Variants in ADGRV1 observed in about 807,000 individuals in gnomAD.
ADGRV1 encodes G-protein coupled receptor 98.
Under a neutral mutation model 596.2 loss-of-function variants are expected in ADGRV1, and 359 were observed. The observed-to-expected ratio is 0.60, with a 90% confidence interval of 0.55 to 0.66. The LOEUF (loss-of-function observed/expected upper bound fraction) is 0.66. ADGRV1 is among the 30% of genes least tolerant of loss of function. The pLI is 0.00. For missense variants in ADGRV1, 7,274 were observed against 7,575.6 expected (o/e 0.96, Z 1.48); for synonymous variants, 2,681 against 2,679.2 (o/e 1.00, Z -0.02).
Position 90,572,638 on chromosome 5 carries a change from G to A in ADGRV1, c.22+13721G>A, listed in dbSNP as rs73177825. 3.0e-3 allele frequency among the ~76,000 whole-genome samples: 449 copies of A among 152,094 alleles called. 2 individuals are homozygous for A. The highest frequency in any genetic ancestry group is 8.7e-3 in the African/African-American group (361 of 41,504). On this transcript the variant is annotated intron_variant, in intron 1 of 89. Coordinates refer to ENST00000405460, the MANE Select transcript of ADGRV1 (RefSeq NM_032119.4). ...TAAATGTGCACACATGCTCACACAC[G>A]CACACGCACGTGCACACACACATGA...
intron 87 of ADGRV1, among the ~76,000 whole-genome samples, chr5:91,104,421 T>C (rs1309978851): frequency 6.6e-6 from 1 of 152,244 alleles, no homozygotes; most frequent in Non-Finnish European, 1.5e-5. Context: ...CAAACATTCA[T>C]CATTACTTTG....
chr5:91,003,571 A>G (rs1002045564), intron 85 of ADGRV1, among the ~76,000 whole-genome samples: 1 of 152,204 alleles, frequency 6.6e-6, no homozygotes, highest in Non-Finnish European at 1.5e-5. Flanking sequence ...AGGAGAAAAC[A>G]TCTCGCCTTG....
intron 83 of ADGRV1, among the ~76,000 whole-genome samples, chr5:90,949,599 C>T (rs1054047347): frequency 6.6e-6 from 1 of 152,084 alleles, no homozygotes; most frequent in Admixed American, 6.6e-5. Context: ...ACTGAAAGGA[C>T]AGGTGGTGGG....
At chr5:90,742,036 C>G (rs560424572) in intron 50 of ADGRV1, among the ~76,000 whole-genome samples, 73 of 152,274 alleles carry the variant, frequency 4.8e-4, no homozygotes, top group Non-Finnish European at 8.5e-4. Context: ...CGCTTTCACC[C>G]TTTTCTCCTT....
At chr5:91,096,657 G>T (rs978563651) in intron 86 of ADGRV1, among the ~76,000 whole-genome samples, 1 of 151,968 alleles carries the variant, frequency 6.6e-6, no homozygotes, top group African/African-American at 2.4e-5. Context: ...ACTTCATCTT[G>T]ACACAGCCTG....
At chr5:90,691,178 G>T in intron 31 of ADGRV1, 137 bp downstream of exon 31, 2 of 1,114,710 alleles carry the variant, frequency 1.8e-6, no homozygotes, top group Non-Finnish European at 2.7e-6. Context: ...CTATGCTAGT[G>T]TGAAAGTGAT....
At chr5:90,699,152 C>A (rs1747578835) in intron 34 of ADGRV1, among the ~76,000 whole-genome samples, 1 of 152,122 alleles carries the variant, frequency 6.6e-6, no homozygotes, top group African/African-American at 2.4e-5. Context: ...CTGTGATATC[C>A]AAAAGCAGTA....
At chr5:90,868,606 T>G (rs1049307628) in intron 83 of ADGRV1, among the ~76,000 whole-genome samples, 2 of 151,252 alleles carry the variant, frequency 1.3e-5, no homozygotes, top group Non-Finnish European at 2.9e-5. Flanking sequence ...CAAGATCCTG[T>G]AGGTGCCCTC....
intron 87 of ADGRV1, among the ~76,000 whole-genome samples, chr5:91,146,916 C>T (rs1323480204): frequency 2.0e-5 from 3 of 152,082 alleles, no homozygotes; most frequent in Non-Finnish European, 4.4e-5. Flanking sequence ...AATCCCAGCC[C>T]TATGGGAGGC....
rs1043691351 is a variant in ADGRV1, at chr5:90,761,039, C to T, written c.12120+1451C>T. On this transcript the variant is annotated intron_variant, in intron 58 of 89. Coordinates refer to ENST00000405460, the MANE Select transcript of ADGRV1 (RefSeq NM_032119.4). ...CGGCCCCATATGTCACCATTCCCTT[C>T]ATTTAATCACTTATAGGTTGTCAGT... Among the ~76,000 whole-genome samples, 12 of 152,208 alleles carry T rather than the reference C, an allele frequency of 7.9e-5. No individual in the cohort carries two copies. The East Asian group carries it at 9.6e-4, about 12-fold the overall frequency.
chr5:90,649,533 G>A (rs1392956953), intron 17 of ADGRV1, among the ~76,000 whole-genome samples: 2 of 151,932 alleles, frequency 1.3e-5, no homozygotes, highest in African/African-American at 2.4e-5. Flanking sequence ...CTGTTGCCCA[G>A]GCTGGAGTGC....
At chr5:90,619,919 A>G (rs1393139244) in intron 4 of ADGRV1, among the ~76,000 whole-genome samples, 1 of 151,956 alleles carries the variant, frequency 6.6e-6, no homozygotes. Flanking sequence ...TGTCCCTACA[A>G]AGGACATGAA....
chr5:90,896,025 G>A (rs1293174859), intron 83 of ADGRV1, among the ~76,000 whole-genome samples: 3 of 151,602 alleles, frequency 2.0e-5, no homozygotes, highest in South Asian at 2.1e-4. Context: ...TTCCATTCTC[G>A]GAGGTCATTG....
At position 90,706,366 on chromosome 5, in the gene ADGRV1, C is replaced by G; in HGVS notation, c.8702C>G (p.Ala2901Gly). ...GFLILEEGETAAAINITILED... is the reference protein window; with the variant it reads ...GFLILEEGETGAAINITILED... ...CTGATTTTAGAAGAAGGGGAAACAG[C>G]AGCAGCCATCAACATTACCATTCTT... Residue 2901 changes from alanine to glycine, a missense_variant, in exon 38 of 90, where the codon GCA becomes GGA. Transcript: ENST00000405460. 2 of 1,610,216 alleles carry G rather than the reference C, an allele frequency of 1.2e-6. No individual in the cohort carries two copies. The highest frequency in any genetic ancestry group is 1.7e-6 in the Non-Finnish European group (2 of 1,178,516).
chr5:91,127,876 C>T (rs1793902408), intron 87 of ADGRV1, among the ~76,000 whole-genome samples: 1 of 152,170 alleles, frequency 6.6e-6, no homozygotes, highest in South Asian at 2.1e-4. Context: ...AATAAAGTCA[C>T]TCTGCTTCTT....
intron 27 of ADGRV1, among the ~76,000 whole-genome samples, chr5:90,683,115 G>C (rs1745156411): frequency 6.6e-6 from 1 of 152,110 alleles, no homozygotes; most frequent in East Asian, 1.9e-4. Context: ...GGGCATAAAA[G>C]ATACACAAAA....
chr5:90,891,947 T>TC (rs1353378308), intron 83 of ADGRV1, among the ~76,000 whole-genome samples: 1 of 152,016 alleles, frequency 6.6e-6, no homozygotes, highest in Non-Finnish European at 1.5e-5. Flanking sequence ...GTAATTTTTC[T>TC]TTAGTCTCTA....
intron 77 of ADGRV1, among the ~76,000 whole-genome samples, chr5:90,839,834 C>G (rs1001552534): frequency 6.6e-6 from 1 of 152,168 alleles, no homozygotes; most frequent in African/African-American, 2.4e-5. Context: ...AACCCTTGTA[C>G]AACCTGTATC....
intron 34 of ADGRV1, among the ~76,000 whole-genome samples, 158 bp from the exon 35 acceptor site, chr5:90,703,507 T>A (rs746603416): frequency 6.6e-6 from 1 of 152,132 alleles, no homozygotes; most frequent in African/African-American, 2.4e-5. Flanking sequence ...ACAATAAGCA[T>A]GTATAAAGAT....
Sources: gnomAD v4.1 joint callset for allele counts (sites outside exome capture counted in the v4.1 genomes callset) on GRCh38, gnomAD v4.1.1 for gene constraint, MANE v1.5 for transcripts, NCBI Gene and HGNC (gene_info 2026-07-23, HGNC 2026-07-21) for gene names.